Variants in CTDP1 observed in about 807,000 individuals in gnomAD.
CTDP1 encodes CTD phosphatase 1.
CTDP1 carries 47 observed loss-of-function variants against 91.8 expected under a neutral mutation model. The ratio of observed to expected loss-of-function variants is 0.51; its 90% confidence interval spans 0.41 to 0.65. The LOEUF (loss-of-function observed/expected upper bound fraction) is 0.65, where lower values mean the gene tolerates loss of function less well. Among genes scored for constraint, CTDP1 ranks in the 30% least tolerant of loss-of-function variants. The pLI is 0.00. For missense variants in CTDP1, 1,272 were observed against 1,373.7 expected (o/e 0.93, Z 1.17); for synonymous variants, 656 against 598.5 (o/e 1.10, Z -1.40).
Position 79,715,041 on chromosome 18 carries a change from G to T in CTDP1, c.1581G>T (p.Glu527Asp), listed in dbSNP as rs752663253. The change falls in exon 8 of 13, where the codon GAG becomes GAT. Residue 527 changes from glutamate (E) to aspartate (D), a missense_variant. By Grantham distance (45) the Glu-to-Asp change is conservative. This residue lies in a region of CTDP1 where 881 missense variants were observed against 911.6 expected (regional missense o/e 0.97). Coordinates refer to ENST00000613122, the MANE Select transcript of CTDP1 (RefSeq NM_004715.5). ...AEPGAHAPDK[E>D]PELGGQEEGE... is the part of the protein sequence containing the mutation. Reference sequence around the variant, plus strand: ...CTGGCGCGCATGCCCCGGACAAGGAGCCTGAGCTGGGTGGGCAGGAGGAGG... The same window carrying T: ...CTGGCGCGCATGCCCCGGACAAGGATCCTGAGCTGGGTGGGCAGGAGGAGG... The T allele has an allele frequency of 6.2e-7, 1 of 1,608,466 alleles. No individual in the cohort carries two copies. The highest frequency in any genetic ancestry group is 8.5e-7 in the Non-Finnish European group (1 of 1,178,214).
At chr18:79,714,373 C>T (rs2122625876) in intron 7 of CTDP1, 118 bp from the exon 8 acceptor site, 2 of 1,194,642 alleles carry the variant, frequency 1.7e-6, no homozygotes, top group African/African-American at 1.5e-5. Flanking sequence ...GTTGCCAAGG[C>T]CTGGTCTAGA....
rs2086510645 is a variant in CTDP1, at chr18:79,729,041, A to C, written c.2552A>C (p.Lys851Thr). ...SETMPLYTLCKEDLESMDKEV... is the reference protein window; with the variant it reads ...SETMPLYTLCTEDLESMDKEV... ...ACAATGCCGCTGTACACTCTTTGTA[A>C]GGAGGATTTAGAGAGTATGGACAAA... The change falls in exon 11 of 13, where the codon AAG (lysine) becomes ACG (threonine). Residue 851 changes from lysine (K) to threonine (T), a missense_variant. By Grantham distance (78) the Lys-to-Thr change is moderately conservative. Coordinates refer to ENST00000613122, the MANE Select transcript of CTDP1 (RefSeq NM_004715.5). The C allele has an allele frequency of 6.2e-7, 1 of 1,613,792 alleles. No individual in the cohort carries two copies. Among genetic ancestry groups the C allele is most frequent in the Non-Finnish European group, 8.5e-7 (1 of 1,180,044 alleles).
intron 1 of CTDP1, among the ~76,000 whole-genome samples, chr18:79,682,403 T>C (rs1162899054): frequency 6.6e-6 from 1 of 152,184 alleles, no homozygotes; most frequent in Non-Finnish European, 1.5e-5. Context: ...TGTGGTGGCT[T>C]TGCTGACGTC....
Position 79,696,786 on chromosome 18 carries a change from GGGGCACTGT to G in CTDP1, c.492+720_492+728del. 2.0e-5 allele frequency among the ~76,000 whole-genome samples: 3 copies of G among 152,294 alleles called. No homozygotes were observed. The Middle Eastern group carries it at 0.01, about 518-fold the overall frequency. On this transcript the variant is annotated intron_variant, in intron 3 of 12. Coordinates refer to ENST00000613122, the MANE Select transcript of CTDP1 (RefSeq NM_004715.5). Reference sequence around the variant, plus strand: ...TCGTTTATGTATTTCAGGAGTTGCTGGGGCACTGTGGGTCAGCGGCTCCGGGCACCTCCT... The same window carrying G: ...TCGTTTATGTATTTCAGGAGTTGCTGGGGTCAGCGGCTCCGGGCACCTCCT...
Position 79,713,243 on chromosome 18 carries a change from C to G in CTDP1, c.1030+105C>G. On this transcript the variant is annotated intron_variant, in intron 7 of 12. Transcript: ENST00000613122. This position sits in a 1 kb window ranked among gnomAD's most constrained non-coding sequence, Gnocchi z 4.7. ...TTGACTGCTATAAATTCAAGATACA[C>G]TTTTTTTATTTGTGTTTCAGTAGAG... is the stretch of plus-strand genomic sequence containing the variant. The G allele has an allele frequency of 8.5e-7, 1 of 1,175,356 alleles. No individual in the cohort carries two copies. The highest frequency in any genetic ancestry group is 1.2e-6 in the Non-Finnish European group (1 of 813,576). 72.8% of individuals were successfully genotyped at this position (1,175,356 alleles called of 1,614,324 possible).
At chr18:79,704,741 C>T in intron 4 of CTDP1, 26 bp from the exon 5 acceptor site, 1 of 1,612,600 alleles carries the variant, frequency 6.2e-7, no homozygotes. Flanking sequence ...GCCTTTTCTC[C>T]CGACTGTTGC....
chr18:79,718,630 C>T (rs1360342054), intron 10 of CTDP1, among the ~76,000 whole-genome samples: 1 of 152,160 alleles, frequency 6.6e-6, no homozygotes, highest in Non-Finnish European at 1.5e-5. Context: ...CGCGTGGACC[C>T]GAGATCAGCC....
intron 11 of CTDP1, among the ~76,000 whole-genome samples, chr18:79,731,066 C>CG (rs1396036979): frequency 6.8e-6 from 1 of 146,848 alleles, no homozygotes; most frequent in Non-Finnish European, 1.6e-5. Flanking sequence ...ATTGCCTGCA[C>CG]CCCCCCGTGG....
intron 1 of CTDP1, among the ~76,000 whole-genome samples, chr18:79,683,886 A>T (rs1439853147): frequency 6.6e-6 from 1 of 152,132 alleles, no homozygotes; most frequent in African/African-American, 2.4e-5. Context: ...AGGTGTTATG[A>T]ATTAGCTTCT....
downstream of CTDP1, chr18:79,755,331 A>G (rs1320982375): frequency 6.6e-6 from 1 of 152,222 alleles, no homozygotes; most frequent in African/African-American, 2.4e-5. Flanking sequence ...AGGAGGCTGC[A>G]GGATGACCAG....
intron 1 of CTDP1, among the ~76,000 whole-genome samples, chr18:79,693,679 A>G (rs915100591): frequency 2.0e-5 from 3 of 152,104 alleles, no homozygotes; most frequent in Admixed American, 6.5e-5. Flanking sequence ...AGCCCACTCC[A>G]TCCCCGAGGG....
chr18:79,737,543 G>A (rs527853159), intron 12 of CTDP1, among the ~76,000 whole-genome samples: 1 of 152,200 alleles, frequency 6.6e-6, no homozygotes, highest in African/African-American at 2.4e-5. Context: ...TCGAATGGTG[G>A]GGAGGAGCCG....
intron 12 of CTDP1, among the ~76,000 whole-genome samples, chr18:79,746,444 C>T (rs1412826724): frequency 1.3e-5 from 2 of 152,246 alleles, no homozygotes; most frequent in Non-Finnish European, 2.9e-5. Context: ...TCGAGGGTGT[C>T]GGAGGTGGAG....
At chr18:79,695,879 C>G (rs773171666) in intron 2 of CTDP1, 98 bp from the exon 3 acceptor site, 26 of 957,370 alleles carry the variant, frequency 2.7e-5, no homozygotes, top group Non-Finnish European at 4.3e-5. Context: ...AGCGTGTGTC[C>G]GTTAAAACAT....
In CTDP1 at chr18:79,714,025, C is replaced by T. The variant is rs530527764; in HGVS notation, c.1031-466C>T. Among the ~76,000 whole-genome samples, 107 of 144,174 alleles carry T rather than the reference C, an allele frequency of 7.4e-4. 3 individuals are homozygous for T. The highest frequency in any genetic ancestry group is 3.9e-3 in the Middle Eastern group (1 of 258). The allele number at this position is 144,174 out of a possible 152,430, so 94.6% of individuals were successfully genotyped here. On this transcript the variant is annotated intron_variant, in intron 7 of 12. Coordinates refer to ENST00000613122, the MANE Select transcript of CTDP1 (RefSeq NM_004715.5). ...CCAGGTCTGCAGGGGCTTACGGCCA[C>T]GGTGGCGCCAGGTCGTCAGGGGCTT... is the stretch of plus-strand genomic sequence containing the variant.
chr18:79,689,838 A>G (rs2085583354), intron 1 of CTDP1, among the ~76,000 whole-genome samples: 2 of 152,184 alleles, frequency 1.3e-5, no homozygotes, highest in African/African-American at 4.8e-5. Flanking sequence ...TTAATGGCTT[A>G]TAATCTGTTA....
In CTDP1 at chr18:79,727,972, C is replaced by T. The variant is rs80293632; in HGVS notation, c.2418-935C>T. On this transcript the variant is annotated intron_variant, in intron 10 of 12. Coordinates refer to ENST00000613122, the MANE Select transcript of CTDP1 (RefSeq NM_004715.5). ...GAAAGATGTGTACAGAGGAGAGAAA[C>T]TATTTCAAACGGAGCTGCGGTTTGA... is the stretch of plus-strand genomic sequence containing the variant. Among the ~76,000 whole-genome samples, 724 of 152,328 alleles carry T rather than the reference C, an allele frequency of 4.8e-3. 5 individuals carry two copies. Among genetic ancestry groups the T allele is most frequent in the African/African-American group, 0.016 (672 of 41,570 alleles).
chr18:79,697,976 G>C lies in CTDP1; in HGVS notation c.609G>C (p.Gln203His), dbSNP rs746594371. ...LIHTTEQHCQQMSNKGIFHFQ... is the reference protein window; with the variant it reads ...LIHTTEQHCQHMSNKGIFHFQ... ...ACACAACCGAGCAGCACTGTCAGCA[G>C]ATGTCGAATAAAGTGAGTGCAGTCA... Residue 203 changes from glutamine (Q) to histidine (H), a missense_variant, in exon 4 of 13, where the codon CAG (glutamine) becomes CAC (histidine). Coordinates refer to ENST00000613122, the MANE Select transcript of CTDP1 (RefSeq NM_004715.5). 6.2e-7 allele frequency: 1 copy of C among 1,614,252 alleles called. No homozygotes were observed. The highest frequency in any genetic ancestry group is 8.5e-7 in the Non-Finnish European group (1 of 1,180,042).
At chr18:79,692,774 A>G (rs1156785885) in intron 1 of CTDP1, among the ~76,000 whole-genome samples, 1 of 152,128 alleles carries the variant, frequency 6.6e-6, no homozygotes, top group Non-Finnish European at 1.5e-5. Context: ...GGCAGGGGGT[A>G]GAATGAGGAG....
Sources: gnomAD v4.1 joint callset for allele counts (sites outside exome capture counted in the v4.1 genomes callset) on GRCh38, gnomAD v4.1.1 for gene constraint, gnomAD v4.1.1 regional missense constraint, Gnocchi (gnomAD v3.1) non-coding constraint, MANE v1.5 for transcripts, NCBI Gene and HGNC (gene_info 2026-07-23, HGNC 2026-07-21) for gene names.